Variants in ROBO2 observed in about 807,000 individuals in gnomAD.
ROBO2 encodes the protein roundabout homolog 2.
In ROBO2, 53 loss-of-function variants were observed where a neutral mutation model predicts 160.8. That is an observed-to-expected ratio of 0.33 (90% CI 0.26 to 0.41). The LOEUF is 0.41. ROBO2 is among the 10% of genes least tolerant of loss of function. The pLI, the probability that ROBO2 is intolerant of heterozygous loss-of-function variation, is 1.00. For synonymous variants in ROBO2, 664 were observed against 611.7 expected, an observed-to-expected ratio of 1.09 and a Z score of -1.26; for missense variants, 1,577 against 1,722.4, an observed-to-expected ratio of 0.92 and a Z score of 1.49.
At chr3:76,796,460 A>G (rs748143585) in intron 2 of ROBO2, among the ~76,000 whole-genome samples, 1 of 146,008 alleles carries the variant, frequency 6.8e-6, no homozygotes, top group Non-Finnish European at 1.5e-5. Flanking sequence ...AAGAAAAAAG[A>G]CCCAAAGGAA....
intron 2 of ROBO2, among the ~76,000 whole-genome samples, chr3:76,948,675 G>T (rs1384641329): frequency 1.6e-5 from 2 of 127,534 alleles, no homozygotes; most frequent in African/African-American, 3.0e-5. Flanking sequence ...TTAATCTGAT[G>T]TTCCAACCCC....
intron 6 of ROBO2, among the ~76,000 whole-genome samples, 157 bp from the exon 7 acceptor site, chr3:77,527,246 G>A (rs1027556521): frequency 5.3e-5 from 8 of 151,468 alleles, no homozygotes; most frequent in East Asian, 1.9e-4. Flanking sequence ...AACTTTATCA[G>A]ACTCAGACAT....
intron 2 of ROBO2, among the ~76,000 whole-genome samples, chr3:77,426,126 C>T (rs58586770): frequency 0.041 from 6,274 of 152,162 alleles, 438 homozygotes; most frequent in African/African-American, 0.14. Flanking sequence ...GGTCGTTCAG[C>T]TGTCCAGACA....
At chr3:76,136,162 A>G (rs189921332) in intron 2 of ROBO2, among the ~76,000 whole-genome samples, 1 of 152,068 alleles carries the variant, frequency 6.6e-6, no homozygotes, top group Non-Finnish European at 1.5e-5. Flanking sequence ...TACTCTCTTG[A>G]CAGCATTTTT....
chr3:77,135,526 G>C (rs73095846), intron 2 of ROBO2, among the ~76,000 whole-genome samples: 3,495 of 152,056 alleles, frequency 0.023, 54 homozygotes, highest in Non-Finnish European at 0.031. Context: ...TCAGCCTCCT[G>C]AAGAGCTGGG....
chr3:76,419,395 T>C (rs1257875146), intron 2 of ROBO2, among the ~76,000 whole-genome samples: 1 of 152,194 alleles, frequency 6.6e-6, no homozygotes, highest in East Asian at 1.9e-4. Flanking sequence ...GATAACATTT[T>C]TATTCAAAGT....
chr3:77,200,226 T>A (rs2082705664), intron 2 of ROBO2, among the ~76,000 whole-genome samples: 1 of 131,754 alleles, frequency 7.6e-6, no homozygotes, highest in African/African-American at 3.0e-5. Flanking sequence ...AAGAAATATA[T>A]GCTAATAATT....
intron 2 of ROBO2, among the ~76,000 whole-genome samples, chr3:77,443,233 C>T (rs911591427): frequency 6.6e-6 from 1 of 151,884 alleles, no homozygotes; most frequent in Non-Finnish European, 1.5e-5. Context: ...CCATTTTACA[C>T]ATTATGCTCA....
intron 1 of ROBO2, among the ~76,000 whole-genome samples, chr3:75,937,159 A>G (rs1947819999): frequency 1.3e-5 from 2 of 152,144 alleles, no homozygotes; most frequent in Non-Finnish European, 2.9e-5. Context: ...GTGTCCATAC[A>G]CAATTTTTTT....
intron 2 of ROBO2, among the ~76,000 whole-genome samples, chr3:76,052,488 G>GT (rs1441486543): frequency 6.7e-6 from 1 of 148,638 alleles, no homozygotes; most frequent in Non-Finnish European, 1.5e-5. Flanking sequence ...CTGTCCTTGA[G>GT]ATTTTTTTTT....
intron 2 of ROBO2, among the ~76,000 whole-genome samples, chr3:77,235,782 A>G (rs1410247269): frequency 1.3e-5 from 2 of 152,208 alleles, no homozygotes; most frequent in Non-Finnish European, 2.9e-5. Flanking sequence ...TATTTTTCAA[A>G]TCAGTTTGAA....
At chr3:76,132,155 A>C (rs1435734957) in intron 2 of ROBO2, among the ~76,000 whole-genome samples, 1 of 152,136 alleles carries the variant, frequency 6.6e-6, no homozygotes, top group Non-Finnish European at 1.5e-5. Flanking sequence ...AAATCCGCAC[A>C]GGGAAGAGGC....
chr3:77,578,441 T>C (rs763338075), intron 15 of ROBO2, among the ~76,000 whole-genome samples: 71 of 152,164 alleles, frequency 4.7e-4, no homozygotes, highest in Non-Finnish European at 9.0e-4. Context: ...TCTAATATAA[T>C]ACAAAACTAG....
intron 2 of ROBO2, among the ~76,000 whole-genome samples, chr3:77,196,357 T>A (rs966887606): frequency 6.6e-6 from 1 of 150,830 alleles, no homozygotes; most frequent in Admixed American, 6.6e-5. Context: ...TGGAACTCAA[T>A]TACAAAGAAC....
chr3:77,000,008 C>T (rs1254477112), intron 2 of ROBO2, among the ~76,000 whole-genome samples: 3 of 152,156 alleles, frequency 2.0e-5, no homozygotes, highest in Admixed American at 2.0e-4. Context: ...TGGCTCTCTG[C>T]ACTCTTTTGC....
chr3:77,188,484 G>A (rs903667292), intron 2 of ROBO2, among the ~76,000 whole-genome samples: 5 of 151,696 alleles, frequency 3.3e-5, no homozygotes, highest in African/African-American at 1.2e-4. Context: ...TCTGAGCATG[G>A]GACTGCATTG....
intron 2 of ROBO2, among the ~76,000 whole-genome samples, chr3:76,269,750 C>T (rs1206934256): frequency 3.3e-5 from 5 of 151,914 alleles, no homozygotes; most frequent in South Asian, 2.1e-4. Context: ...AGACCTATTT[C>T]GTATCTCTCG....
intron 2 of ROBO2, among the ~76,000 whole-genome samples, chr3:76,936,458 C>T (rs1320205479): frequency 6.6e-6 from 1 of 151,938 alleles, no homozygotes; most frequent in Non-Finnish European, 1.5e-5. Context: ...TTGTATGCAG[C>T]AACTTCAAGG....
intron 2 of ROBO2, among the ~76,000 whole-genome samples, chr3:76,014,645 C>T (rs1292881266): frequency 2.0e-5 from 3 of 150,822 alleles, no homozygotes; most frequent in African/African-American, 7.3e-5. Flanking sequence ...AGGCTATTGG[C>T]GACTGGGCAC....
Sources: allele counts gnomAD v4.1 joint callset (sites outside exome capture counted in the v4.1 genomes callset), GRCh38; gene constraint gnomAD v4.1.1; transcripts MANE v1.5; gene names NCBI Gene and HGNC (gene_info 2026-07-23, HGNC 2026-07-21).